SGCD: variants seen among roughly 807,000 people sequenced by gnomAD.
The protein encoded by SGCD is sarcoglycan delta, also known as delta-sarcoglycan.
A neutral mutation model predicts 36.6 loss-of-function variants in SGCD; 18 were observed. The ratio of observed to expected loss-of-function variants is 0.49; its 90% CI spans 0.34 to 0.73. SGCD has a LOEUF of 0.73. Among genes scored for constraint, SGCD ranks in the 30% least tolerant of loss-of-function variants. The probability of loss-of-function intolerance (pLI) is 0.01; values close to 1 mark genes in which losing one functional copy is unlikely to be tolerated. For synonymous variants in SGCD, 133 were observed against 130.6 expected, an observed-to-expected ratio of 1.02 and a Z score of -0.12; for missense variants, 387 against 346.7, an observed-to-expected ratio of 1.12 and a Z score of -0.92.
chr5:156,103,541 A>G (rs1761573500), intron 1 of SGCD, among the ~76,000 whole-genome samples: 1 of 152,122 alleles, frequency 6.6e-6, no homozygotes, highest in African/African-American at 2.4e-5. Context: ...TTCTTTTTGA[A>G]AATGGCCTGT....
upstream of SGCD, among the ~76,000 whole-genome samples, chr5:156,322,351 C>T (rs1040900475): frequency 4.6e-5 from 7 of 151,596 alleles, no homozygotes; most frequent in African/African-American, 1.7e-4. Flanking sequence ...TTTTTTAAAC[C>T]TGCATTTACT....
chr5:156,519,070 TG>T (rs1368296732), intron 4 of SGCD, among the ~76,000 whole-genome samples: 2 of 151,444 alleles, frequency 1.3e-5, no homozygotes, highest in African/African-American at 2.4e-5. Flanking sequence ...GCTGGTTTTT[TG>T]AAAAAAAAAT....
chr5:156,584,828 G>T (rs1581209429), intron 4 of SGCD, among the ~76,000 whole-genome samples: 1 of 152,094 alleles, frequency 6.6e-6, no homozygotes, highest in Non-Finnish European at 1.5e-5. Context: ...CTTGCCTTTT[G>T]AAAACTGACA....
intron 3 of SGCD, among the ~76,000 whole-genome samples, chr5:156,409,974 G>A (rs1772655835): frequency 1.3e-5 from 2 of 152,094 alleles, no homozygotes. Flanking sequence ...TTGGGAAGAT[G>A]TATGAAGTAA....
intron 7 of SGCD, among the ~76,000 whole-genome samples, chr5:156,698,768 G>C (rs888434401): frequency 6.6e-6 from 1 of 151,546 alleles, no homozygotes; most frequent in Admixed American, 6.6e-5. Flanking sequence ...GCCTAGGTAA[G>C]CCTCATTTCT....
At chr5:155,728,308 AC>A in the SGCD span, among the ~76,000 whole-genome samples, 1 of 150,764 alleles carries the variant, frequency 6.6e-6, no homozygotes, top group South Asian at 2.1e-4. Context: ...CGGAGCCCGA[AC>A]CCAAGCCCCA....
At chr5:155,804,255 G>A in the SGCD span, among the ~76,000 whole-genome samples, 2,651 of 152,302 alleles carry the variant, frequency 0.017, 87 homozygotes, top group African/African-American at 0.059. Context: ...CAATAAAGCA[G>A]TGAAGAGGAT....
intron 6 of SGCD, among the ~76,000 whole-genome samples, chr5:156,613,762 T>G (rs1019120426): frequency 2.0e-5 from 3 of 152,206 alleles, no homozygotes; most frequent in Admixed American, 6.5e-5. Context: ...AGCAAAATCA[T>G]TTTGCCACAA....
chr5:156,267,435 G>T (rs528623052), intron 3 of SGCD, among the ~76,000 whole-genome samples: 1 of 152,212 alleles, frequency 6.6e-6, no homozygotes, highest in East Asian at 1.9e-4. Context: ...GAGATACCTA[G>T]AACATAAAAC....
chr5:156,543,341 G>C (rs567693811), intron 4 of SGCD, among the ~76,000 whole-genome samples: 1 of 152,286 alleles, frequency 6.6e-6, no homozygotes, highest in South Asian at 2.1e-4. Flanking sequence ...CAAGGAATCT[G>C]TTTGTTCATC....
At chr5:155,849,084 A>G in the SGCD span, among the ~76,000 whole-genome samples, 6 of 152,122 alleles carry the variant, frequency 3.9e-5, no homozygotes, top group Non-Finnish European at 8.8e-5. Context: ...TAATGTACAT[A>G]AGGAACCAAA....
At chr5:156,430,971 G>A (rs780067985) in intron 3 of SGCD, among the ~76,000 whole-genome samples, 3 of 152,148 alleles carry the variant, frequency 2.0e-5, no homozygotes, top group Non-Finnish European at 4.4e-5. Flanking sequence ...CAATGGGAGA[G>A]GTATCCCTGG....
intron 3 of SGCD, among the ~76,000 whole-genome samples, chr5:156,260,474 T>G (rs976384611): frequency 2.0e-5 from 3 of 152,158 alleles, no homozygotes; most frequent in Admixed American, 6.5e-5. Flanking sequence ...CCAAGATATT[T>G]GTTTTTGATG....
intron 4 of SGCD, among the ~76,000 whole-genome samples, chr5:156,560,546 C>A (rs1469160872): frequency 6.6e-6 from 1 of 152,064 alleles, no homozygotes; most frequent in African/African-American, 2.4e-5. Context: ...TCAAGAAATT[C>A]ATAAAACTGG....
intron 1 of SGCD, among the ~76,000 whole-genome samples, chr5:155,999,684 A>G (rs1359567028): frequency 1.3e-5 from 2 of 152,070 alleles, no homozygotes; most frequent in African/African-American, 4.8e-5. Context: ...TTCCTTAGAA[A>G]CCCATTGGCA....
At chr5:156,429,890 T>G (rs1323549606) in intron 3 of SGCD, among the ~76,000 whole-genome samples, 1 of 152,140 alleles carries the variant, frequency 6.6e-6, no homozygotes, top group Non-Finnish European at 1.5e-5. Context: ...GAAATCTGCT[T>G]TTAATCTGAT....
chr5:156,142,848 G>A (rs144380881), intron 3 of SGCD, among the ~76,000 whole-genome samples: 5 of 152,350 alleles, frequency 3.3e-5, no homozygotes, highest in African/African-American at 1.2e-4. Flanking sequence ...GAGTGTAAAA[G>A]TTTGGAAAAT....
intron 1 of SGCD, among the ~76,000 whole-genome samples, chr5:155,909,802 T>TTG (rs1471946821): frequency 6.6e-6 from 1 of 152,138 alleles, no homozygotes; most frequent in Non-Finnish European, 1.5e-5. Context: ...TCTAAACAGC[T>TTG]TAACAGATGA....
intron 4 of SGCD, among the ~76,000 whole-genome samples, chr5:156,562,784 G>T (rs1376681729): frequency 6.6e-6 from 1 of 151,364 alleles, no homozygotes; most frequent in Non-Finnish European, 1.5e-5. Context: ...CAGTTTAAAG[G>T]TCTTTAACCT....
Sources: allele counts gnomAD v4.1 joint callset (sites outside exome capture counted in the v4.1 genomes callset), GRCh38; gene constraint gnomAD v4.1.1; transcripts MANE v1.5; gene names NCBI Gene and HGNC (gene_info 2026-07-23, HGNC 2026-07-21).